DSCAM: variants seen among roughly 807,000 people sequenced by gnomAD.
The protein encoded by DSCAM is DS cell adhesion molecule.
A neutral mutation model predicts 217.7 loss-of-function variants in DSCAM; 47 were observed. That is an observed-to-expected ratio of 0.22 (90% CI 0.17 to 0.28). The LOEUF is 0.28. Ranked by LOEUF, DSCAM falls within the 10% of genes least tolerant of loss-of-function variation. The probability of loss-of-function intolerance (pLI) is 1.00; values close to 1 mark genes in which losing one functional copy is unlikely to be tolerated. For missense variants in DSCAM, 2,080 were observed against 2,618.3 expected (o/e 0.79, Z 4.49); for synonymous variants, 1,056 against 1,015.3 (o/e 1.04, Z -0.76).
intron 32 of DSCAM, among the ~76,000 whole-genome samples, chr21:40,028,483 C>G (rs142429433): frequency 0.025 from 3,821 of 151,718 alleles, 162 homozygotes; most frequent in African/African-American, 0.083. Flanking sequence ...TCAGACTGCT[C>G]TGCTAGCAAT....
chr21:40,834,429 T>A (rs553281108), intron 1 of DSCAM, among the ~76,000 whole-genome samples: 37 of 25,186 alleles, frequency 1.5e-3, no homozygotes, highest in African/African-American at 4.8e-3. Flanking sequence ...AATAATAAAA[T>A]AATAATAATA....
chr21:40,827,313 T>C (rs990979478), intron 1 of DSCAM, among the ~76,000 whole-genome samples: 2 of 150,700 alleles, frequency 1.3e-5, no homozygotes, highest in Admixed American at 6.6e-5. Flanking sequence ...TGCAAAAAAA[T>C]TAAAAATTAG....
At chr21:40,721,894 GA>G (rs1169361497) in intron 1 of DSCAM, among the ~76,000 whole-genome samples, 1 of 151,610 alleles carries the variant, frequency 6.6e-6, no homozygotes, top group Admixed American at 6.6e-5. Flanking sequence ...CCAACATAAA[GA>G]AAAAAACTTA....
At chr21:40,742,821 A>C (rs2091136997) in intron 1 of DSCAM, among the ~76,000 whole-genome samples, 1 of 152,180 alleles carries the variant, frequency 6.6e-6, no homozygotes, top group South Asian at 2.1e-4. Flanking sequence ...CTTCACTGTC[A>C]TGATCATCAT....
chr21:40,310,953 T>C (rs577277596), intron 9 of DSCAM, among the ~76,000 whole-genome samples: 1 of 152,326 alleles, frequency 6.6e-6, no homozygotes, highest in Non-Finnish European at 1.5e-5. Context: ...ATTTTTTTTT[T>C]CAGAAATACA....
intron 15 of DSCAM, among the ~76,000 whole-genome samples, chr21:40,169,499 T>C (rs1441789217): frequency 1.3e-5 from 2 of 151,910 alleles, no homozygotes; most frequent in Non-Finnish European, 2.9e-5. Flanking sequence ...TCCAAGAGGA[T>C]AATGGGACTC....
chr21:40,201,442 CTTAT>C (rs1019941517), intron 11 of DSCAM, among the ~76,000 whole-genome samples: 3 of 151,436 alleles, frequency 2.0e-5, no homozygotes, highest in Admixed American at 6.6e-5. Flanking sequence ...AAGAAAGCTT[CTTAT>C]TTATTTATTT....
At chr21:40,059,978 T>G (rs2089090175) in intron 28 of DSCAM, among the ~76,000 whole-genome samples, 1 of 152,236 alleles carries the variant, frequency 6.6e-6, no homozygotes, top group Non-Finnish European at 1.5e-5. Flanking sequence ...ATGAGGTTTT[T>G]GTTTGCTTGG....
intron 1 of DSCAM, among the ~76,000 whole-genome samples, chr21:40,736,810 G>GTT (rs201000680): frequency 2.6e-4 from 40 of 151,318 alleles, no homozygotes; most frequent in African/African-American, 9.7e-4. Context: ...AATAGCATAG[G>GTT]GTTTTTTTTG....
At chr21:40,641,565 G>A (rs1397464021) in intron 3 of DSCAM, among the ~76,000 whole-genome samples, 1 of 152,110 alleles carries the variant, frequency 6.6e-6, no homozygotes, top group Non-Finnish European at 1.5e-5. Flanking sequence ...TTCAAAAGAA[G>A]CTTTCTTTTC....
chr21:40,583,982 G>A (rs1425130304), intron 3 of DSCAM, among the ~76,000 whole-genome samples: 2 of 150,632 alleles, frequency 1.3e-5, no homozygotes, highest in East Asian at 3.9e-4. Flanking sequence ...ATTTTGAAAA[G>A]CATGATACCT....
chr21:40,339,724 T>C (rs1471980163), intron 6 of DSCAM, among the ~76,000 whole-genome samples: 2 of 38,468 alleles, frequency 5.2e-5, no homozygotes, highest in Admixed American at 3.2e-4. Flanking sequence ...AATTTAAAAC[T>C]GGTGTTTCCT....
At chr21:40,565,619 G>A (rs2146194383) in intron 3 of DSCAM, among the ~76,000 whole-genome samples, 1 of 152,242 alleles carries the variant, frequency 6.6e-6, no homozygotes, top group South Asian at 2.1e-4. Flanking sequence ...GCACCCACAT[G>A]TTCACACTCA....
chr21:40,221,765 C>A (rs930564281), intron 11 of DSCAM, among the ~76,000 whole-genome samples: 1 of 152,172 alleles, frequency 6.6e-6, no homozygotes. Flanking sequence ...CGTCAACACT[C>A]GCAACAAAAA....
At chr21:40,526,766 T>C (rs1473390243) in intron 3 of DSCAM, among the ~76,000 whole-genome samples, 4 of 152,112 alleles carry the variant, frequency 2.6e-5, no homozygotes, top group African/African-American at 9.7e-5. Context: ...CATTGTGTTA[T>C]ATAATTTAAA....
chr21:40,338,346 A>T lies in DSCAM; in HGVS notation c.1538T>A (p.Ile513Asn). The change falls in exon 8 of 33, where the codon ATC (isoleucine) becomes AAC (asparagine). Residue 513 changes from isoleucine to asparagine, a missense_variant. By Grantham distance (149) the Ile-to-Asn change is moderately radical. This residue lies in a region of DSCAM where 568 missense variants were observed against 678.1 expected (regional missense o/e 0.84). Coordinates refer to ENST00000400454, the MANE Select transcript of DSCAM (RefSeq NM_001389.5). ...GPASIRPMKN[I>N]TAIAGRDTYI... ...TGTGTCCCGTCCTGCTATTGCTGTG[A>T]TGTTTTTCATTGGTCGAATGCTTGC... 1 of 1,613,952 alleles carries T rather than the reference A, an allele frequency of 6.2e-7. No individual in the cohort carries two copies. Among genetic ancestry groups the T allele is most frequent in the Non-Finnish European group, 8.5e-7 (1 of 1,179,792 alleles).
chr21:40,740,994 G>A (rs752476868), intron 1 of DSCAM, among the ~76,000 whole-genome samples: 4 of 152,154 alleles, frequency 2.6e-5, no homozygotes, highest in Admixed American at 6.5e-5. Flanking sequence ...CATGCAGAAG[G>A]ACAAAGGCTG....
At chr21:40,588,888 T>C (rs2076964742) in intron 3 of DSCAM, among the ~76,000 whole-genome samples, 1 of 152,182 alleles carries the variant, frequency 6.6e-6, no homozygotes. Context: ...TGCAACCATT[T>C]ATGTGAAGCA....
chr21:40,433,212 G>A (rs1317794993), intron 3 of DSCAM, among the ~76,000 whole-genome samples: 1 of 152,008 alleles, frequency 6.6e-6, no homozygotes, highest in African/African-American at 2.4e-5. Flanking sequence ...CAAAAAATTA[G>A]CCGGGCATGG....
Sources: allele counts gnomAD v4.1 joint callset (sites outside exome capture counted in the v4.1 genomes callset), GRCh38; gene constraint gnomAD v4.1.1; regional missense constraint gnomAD v4.1.1; transcripts MANE v1.5; gene names NCBI Gene and HGNC (gene_info 2026-07-23, HGNC 2026-07-21).